FAM20C: variants seen among roughly 807,000 people sequenced by gnomAD.
FAM20C encodes extracellular serine/threonine protein kinase FAM20C.
FAM20C carries 40 observed loss-of-function variants against 51.5 expected under a neutral mutation model. The observed-to-expected ratio is 0.78, with a 90% confidence interval of 0.60 to 1.01. The LOEUF (loss-of-function observed/expected upper bound fraction) is 1.01, where lower values mean the gene tolerates loss of function less well. Ranked by LOEUF, FAM20C falls within the 50% of genes least tolerant of loss-of-function variation. The pLI, the probability that FAM20C is intolerant of heterozygous loss-of-function variation, is 0.00. For synonymous variants in FAM20C, 406 were observed against 380.6 expected (o/e 1.07, Z -0.78); for missense variants, 861 against 844.7 (o/e 1.02, Z -0.24).
intron 3 of FAM20C, among the ~76,000 whole-genome samples, chr7:234,321 T>A (rs1243593963): frequency 4.6e-5 from 7 of 152,180 alleles, no homozygotes; most frequent in Non-Finnish European, 8.8e-5. Context: ...CAGTCGGGAG[T>A]TGTGAAGTCA....
In FAM20C at chr7:192,924, G is replaced by T. The variant is rs1160399539; in HGVS notation, c.-276G>T. On this transcript the variant is annotated 5_prime_UTR_variant, in exon 1 of 10. Transcript: ENST00000313766. Reference sequence around the variant, plus strand: ...CTGCGGCCCCAGCCGCCCCCCGCGCGCCCGGCTCCGCGGACCAGGACCCCT... The same window carrying T: ...CTGCGGCCCCAGCCGCCCCCCGCGCTCCCGGCTCCGCGGACCAGGACCCCT... The T allele has an allele frequency of 6.6e-6, 1 of 151,970 alleles. No individual in the cohort carries two copies. Among genetic ancestry groups the T allele is most frequent in the African/African-American group, 2.4e-5 (1 of 41,044 alleles). 9.4% of individuals were successfully genotyped at this position (151,970 alleles called of 1,614,324 possible). A position where few individuals can be genotyped will look rare whatever the true frequency, so the allele number is the denominator to read the frequency against.
intron 3 of FAM20C, among the ~76,000 whole-genome samples, chr7:219,200 A>G (rs1278644467): frequency 6.6e-6 from 1 of 152,126 alleles, no homozygotes; most frequent in Non-Finnish European, 1.5e-5. Flanking sequence ...TGAGGGGAGC[A>G]TGTGACTTTG....
chr7:193,352 C>G lies in FAM20C; in HGVS notation c.153C>G (p.Pro51=), dbSNP rs1198778266. ...SGEPGCSCAQ[P]AAEVAAPGWA... is the part of the protein sequence containing the mutation. ...AGCCCGGCTGTTCGTGCGCGCAGCC[C>G]GCCGCCGAGGTGGCCGCGCCCGGCT... Residue 51 remains proline, a synonymous_variant, in exon 1 of 10, where the codon CCC becomes CCG. Coordinates refer to ENST00000313766, the MANE Select transcript of FAM20C (RefSeq NM_020223.4). 1 of 1,284,582 alleles carries G rather than the reference C, an allele frequency of 7.8e-7. No homozygotes were observed. The highest frequency in any genetic ancestry group is 9.9e-7 in the Non-Finnish European group (1 of 1,014,928). The allele number at this position is 1,284,582 out of a possible 1,614,324, so 79.6% of individuals were successfully genotyped here.
chr7:246,802 C>A (rs1788185825), intron 4 of FAM20C, among the ~76,000 whole-genome samples: 1 of 152,142 alleles, frequency 6.6e-6, no homozygotes, highest in Non-Finnish European at 1.5e-5. Context: ...GTAGGGAGAG[C>A]CTTTCATATC....
chr7:256,638 C>CGCTGGCTCCCCGCA lies in FAM20C; in HGVS notation c.1254-14_1254-1dup. 1 of 1,533,200 alleles carries CGCTGGCTCCCCGCA rather than the reference C, an allele frequency of 6.5e-7. No individual in the cohort carries two copies. The highest frequency in any genetic ancestry group is 8.7e-7 in the Non-Finnish European group (1 of 1,144,386). 95.0% of individuals were successfully genotyped at this position (1,533,200 alleles called of 1,614,324 possible). A position where few individuals can be genotyped will look rare whatever the true frequency, so the allele number is the denominator to read the frequency against. ...AATCTGGCCTGGGCCCCCCGTCTCACGCTGGCTCCCCGCAGGTGGGAGGTG... is the reference window on the plus strand; with the variant it reads ...AATCTGGCCTGGGCCCCCCGTCTCACGCTGGCTCCCCGCAGCTGGCTCCCCGCAGGTGGGAGGTG... On this transcript the variant is annotated splice_polypyrimidine_tract_variant and intron_variant, in intron 6 of 9. Coordinates refer to ENST00000313766, the MANE Select transcript of FAM20C (RefSeq NM_020223.4).
chr7:250,126 C>T (rs756326190), intron 5 of FAM20C, among the ~76,000 whole-genome samples: 1 of 152,180 alleles, frequency 6.6e-6, no homozygotes, highest in African/African-American at 2.4e-5. Context: ...TGATTAGCTG[C>T]GTCTTCAGAT....
chr7:246,848 G>A (rs774380160), intron 4 of FAM20C, among the ~76,000 whole-genome samples: 1 of 152,118 alleles, frequency 6.6e-6, no homozygotes, highest in Non-Finnish European at 1.5e-5. Context: ...CTCTGTGAGC[G>A]GCGATTTGCC....
chr7:230,222 G>A, intron 3 of FAM20C, among the ~76,000 whole-genome samples: 1 of 152,130 alleles, frequency 6.6e-6, no homozygotes. Context: ...AGGAGGCCAA[G>A]GGAAGGGGAT....
At position 248,277 on chromosome 7, in the gene FAM20C, C is replaced by T. The variant is rs1463826767; in HGVS notation, c.957-38C>T. On this transcript the variant is annotated intron_variant, in intron 4 of 9. Transcript: ENST00000313766. ...AGGGACACAGAGGCCCGCTGAGCCGCACAGAGCACAGACCATTCCCCGCCC... is the reference window on the plus strand; with the variant it reads ...AGGGACACAGAGGCCCGCTGAGCCGTACAGAGCACAGACCATTCCCCGCCC... 10 of 1,463,002 alleles carry T rather than the reference C, an allele frequency of 6.8e-6. No individual in the cohort carries two copies. In the Middle Eastern group the frequency reaches 1.0e-3, roughly 150 times the overall value. 90.6% of individuals were successfully genotyped at this position (1,463,002 alleles called of 1,614,324 possible). A position where few individuals can be genotyped will look rare whatever the true frequency, so the allele number is the denominator to read the frequency against.
chr7:197,667 G>A (rs1043012411), intron 2 of FAM20C: 1 of 152,312 alleles, frequency 6.6e-6, no homozygotes, highest in African/African-American at 2.4e-5. Context: ...CAGGGTCTGA[G>A]CAGAGGGAGG....
chr7:208,786 C>A, intron 2 of FAM20C, 112 bp from the exon 3 acceptor site: 2 of 1,078,054 alleles, frequency 1.9e-6, no homozygotes, highest in South Asian at 1.5e-5. Flanking sequence ...AGAGTGGGAC[C>A]CCTGGACCAT....
Position 258,304 on chromosome 7 carries a change from G to GGC in FAM20C, c.1446-342_1446-341insGC, listed in dbSNP as rs1202026480. ...CCACTGCCTGGGGTGCTGGAGATGG[G>GGC]TGGGATGGACCCACTGCCCGGGGTG... is the stretch of plus-strand genomic sequence containing the variant. On this transcript the variant is annotated intron_variant, in intron 8 of 9. Transcript: ENST00000313766. Among the ~76,000 whole-genome samples, 31 of 64,018 alleles carry GGC rather than the reference G, an allele frequency of 4.8e-4. 1 individual carries two copies. Among genetic ancestry groups the GGC allele is most frequent in the East Asian group, 9.0e-4 (2 of 2,218 alleles). 42.0% of individuals were successfully genotyped at this position (64,018 alleles called of 152,430 possible). A position where few individuals can be genotyped will look rare whatever the true frequency, so the allele number is the denominator to read the frequency against.
intron 2 of FAM20C, chr7:197,288 CT>C (rs1249868446): frequency 6.0e-6 from 1 of 167,016 alleles, no homozygotes; most frequent in African/African-American, 2.4e-5. Flanking sequence ...GGAACGAGCA[CT>C]TCAGAGCCGT....
intron 3 of FAM20C, among the ~76,000 whole-genome samples, chr7:222,694 G>A (rs1787280125): frequency 6.6e-6 from 1 of 152,216 alleles, no homozygotes; most frequent in Non-Finnish European, 1.5e-5. Context: ...ACAAGGGGAG[G>A]CAGCACCGTG....
At chr7:194,114 A>C in intron 1 of FAM20C, 1 of 346,774 alleles carries the variant, frequency 2.9e-6, no homozygotes, top group Non-Finnish European at 5.2e-6. Context: ...GGGTCAGGCA[A>C]TGAATGAATG....
chr7:217,514 T>A (rs1000949649), intron 3 of FAM20C, among the ~76,000 whole-genome samples: 1 of 49,404 alleles, frequency 2.0e-5, no homozygotes, highest in Non-Finnish European at 4.4e-5. Context: ...GCTGAGATGG[T>A]GGCCTCGGGC....
Position 193,292 on chromosome 7 carries a change from C to G in FAM20C, c.93C>G (p.Pro31=). 1 of 1,417,934 alleles carries G rather than the reference C, an allele frequency of 7.1e-7. No individual in the cohort carries two copies. The highest frequency in any genetic ancestry group is 1.3e-5 in the South Asian group (1 of 76,508). 87.8% of individuals were successfully genotyped at this position (1,417,934 alleles called of 1,614,324 possible). The part of the protein sequence containing the change: ...CALHIALDLL[P]RLERRGARPS... ...TGCACATCGCCCTGGACCTGCTGCCCAGGCTGGAGCGACGCGGCGCGCGGC... is the reference window on the plus strand; with the variant it reads ...TGCACATCGCCCTGGACCTGCTGCCGAGGCTGGAGCGACGCGGCGCGCGGC... Residue 31 remains proline (P), a synonymous_variant, in exon 1 of 10, where the codon CCC becomes CCG. Coordinates refer to ENST00000313766, the MANE Select transcript of FAM20C (RefSeq NM_020223.4).
intron 2 of FAM20C, among the ~76,000 whole-genome samples, chr7:206,024 C>T (rs1020109226): frequency 2.0e-5 from 3 of 152,080 alleles, no homozygotes; most frequent in East Asian, 1.9e-4. Flanking sequence ...GGGCCCTCCC[C>T]GAGCTCCACG....
chr7:258,805 A>G (rs1788752794), intron 9 of FAM20C, 100 bp downstream of exon 9: 2 of 1,183,408 alleles, frequency 1.7e-6, no homozygotes, highest in Non-Finnish European at 2.3e-6. Context: ...CGGCCATCAC[A>G]TGGGAGAGAA....
Sources: allele counts gnomAD v4.1 joint callset (sites outside exome capture counted in the v4.1 genomes callset), GRCh38; gene constraint gnomAD v4.1.1; transcripts MANE v1.5; gene names NCBI Gene and HGNC (gene_info 2026-07-23, HGNC 2026-07-21).